The following SFRP5 variants were observed in gnomAD, a reference collection of about 807,000 sequenced individuals.
The protein encoded by SFRP5 is secreted frizzled related protein 5.
In SFRP5, 22 loss-of-function variants were observed where a neutral mutation model predicts 27.0. That is an observed-to-expected ratio of 0.82 (90% CI 0.58 to 1.17). The LOEUF is 1.17. Ranked by LOEUF, SFRP5 falls within the 50% of genes most tolerant of loss-of-function variation. SFRP5 has a pLI of 0.00. For synonymous variants in SFRP5, 171 were observed against 195.0 expected (o/e 0.88, Z 1.03); for missense variants, 406 against 436.6 (o/e 0.93, Z 0.63).
chr10:97,769,779 A>G lies in SFRP5; in HGVS notation c.530-34T>C, dbSNP rs1590135332. The G allele has an allele frequency of 3.3e-6, 5 of 1,524,342 alleles. No individual in the cohort carries two copies. In the East Asian group the frequency reaches 1.1e-4, roughly 34 times the overall value. The allele number at this position is 1,524,342 out of a possible 1,614,324, so 94.4% of individuals were successfully genotyped here. ...AGAAAGTGGGGTGGGGTTGGGGGACAGTTGGTGAGGGGATTGGAGTTCCAA... is the reference window on the plus strand; with the variant it reads ...AGAAAGTGGGGTGGGGTTGGGGGACGGTTGGTGAGGGGATTGGAGTTCCAA... On this transcript the variant is annotated intron_variant, in intron 1 of 2. Transcript: ENST00000266066.
In SFRP5 at chr10:97,767,275, C is replaced by A; in HGVS notation, c.*239G>T. On this transcript the variant is annotated 3_prime_UTR_variant, in exon 3 of 3. Coordinates refer to ENST00000266066, the MANE Select transcript of SFRP5 (RefSeq NM_003015.3). ...CTCCTCCCCTGCCTACTTTCTGAGA[C>A]CCTGAGGTCTTCACCCAGATGAAGA... 2.2e-6 allele frequency: 1 copy of A among 460,552 alleles called. No homozygotes were observed. The allele number at this position is 460,552 out of a possible 1,614,324, so 28.5% of individuals were successfully genotyped here. A position where few individuals can be genotyped will look rare whatever the true frequency, so the allele number is the denominator to read the frequency against.
chr10:97,769,716 C>G lies in SFRP5; in HGVS notation c.559G>C (p.Glu187Gln). Residue 187 changes from glutamate (E) to glutamine (Q), a missense_variant, in exon 2 of 3, where the codon GAG becomes CAG. By Grantham distance (29) the Glu-to-Gln change is conservative. Coordinates refer to ENST00000266066, the MANE Select transcript of SFRP5 (RefSeq NM_003015.3). ...VTKICAQCEM[E>Q]HSADGLMEQM... ...TCCATGAGGCCGTCAGCACTGTGCTCCATCTCACACTGGGCGCAGATCTTG... is the reference window on the plus strand; with the variant it reads ...TCCATGAGGCCGTCAGCACTGTGCTGCATCTCACACTGGGCGCAGATCTTG... The G allele has an allele frequency of 2.5e-6, 4 of 1,613,690 alleles. No individual in the cohort carries two copies. The highest frequency in any genetic ancestry group is 3.4e-6 in the Non-Finnish European group (4 of 1,179,848).
Position 97,771,384 on chromosome 10 carries a change from C to CTTG in SFRP5, c.449_450insCAA (p.Leu150_His151insLys). On this transcript the variant is annotated inframe_insertion, in exon 1 of 3. Coordinates refer to ENST00000266066, the MANE Select transcript of SFRP5 (RefSeq NM_003015.3). This position sits in a 1 kb window ranked among gnomAD's most constrained non-coding sequence, Gnocchi z 5.2. ...TGTCCAGGGGGAACTTGTGGCAGTG[C>CTTG]AGCATCTCAGGCCAGGGGAAGCCGT... 6.2e-7 allele frequency: 1 copy of CTTG among 1,612,424 alleles called. No homozygotes were observed. The highest frequency in any genetic ancestry group is 1.7e-5 in the Admixed American group (1 of 59,948).
intron 2 of SFRP5, 152 bp from the exon 3 acceptor site, chr10:97,768,012 A>G (rs1007746242): frequency 3.7e-6 from 2 of 540,866 alleles, no homozygotes; most frequent in Admixed American, 3.6e-5. Flanking sequence ...GCACATTTTC[A>G]TATTTATGAA....
Position 97,771,511 on chromosome 10 carries a change from AG to A in SFRP5, c.322del (p.Leu108CysfsTer70). The A allele has an allele frequency of 1.2e-6, 2 of 1,610,010 alleles. No individual in the cohort carries two copies. Among genetic ancestry groups the A allele is most frequent in the Non-Finnish European group, 1.7e-6 (2 of 1,177,030 alleles). ...KRCHSDTQVF[L>X]CSLFAPVCLD... ...ACAGACGGGCGCAAAGAGCGAGCAC[AG>A]GAAGACCTGCGTATCCGAGTGGCAG... On this transcript the variant is annotated frameshift_variant, in exon 1 of 3. Transcript: ENST00000266066. LOFTEE classifies it high-confidence loss of function. The surrounding 1 kb of genome is among the most constrained non-coding windows in gnomAD (Gnocchi z 5.2).
In SFRP5 at chr10:97,771,094, C is replaced by A. The variant is rs4244330; in HGVS notation, c.529+211G>T. 0.64 allele frequency among the ~76,000 whole-genome samples: 96,673 copies of A among 151,690 alleles called. 32,874 individuals are homozygous for A. Among genetic ancestry groups the A allele is most frequent in the Non-Finnish European group, 0.77 (52,154 of 67,902 alleles). On this transcript the variant is annotated intron_variant, in intron 1 of 2. Coordinates refer to ENST00000266066, the MANE Select transcript of SFRP5 (RefSeq NM_003015.3). This position sits in a 1 kb window ranked among gnomAD's most constrained non-coding sequence, Gnocchi z 5.2. Reference sequence around the variant, plus strand: ...GAGCCAGAGGGAAGGTCTGGAGCCGCCGGGAGGCACTATGCTGCCACTCCC... The same window carrying A: ...GAGCCAGAGGGAAGGTCTGGAGCCGACGGGAGGCACTATGCTGCCACTCCC...
rs769967199 is a variant in SFRP5 at position 97,771,688 on chromosome 10, T to C, written c.146A>G (p.Lys49Arg). ...AGGGATGTCAAGGCACTGCGGCGGC[T>C]TGGAGTAGGAGCGGCCGTGCAGCGG... ...AEPLHGRSYS[K>R]PPQCLDIPAD... Residue 49 changes from lysine (K) to arginine (R), a missense_variant, in exon 1 of 3, where the codon AAG becomes AGG. Lys to Arg is a conservative substitution (Grantham distance 26). Coordinates refer to ENST00000266066, the MANE Select transcript of SFRP5 (RefSeq NM_003015.3). The surrounding 1 kb of genome is among the most constrained non-coding windows in gnomAD (Gnocchi z 5.2). 2 of 1,600,026 alleles carry C rather than the reference T, an allele frequency of 1.2e-6. No homozygotes were observed. The highest frequency in any genetic ancestry group is 1.7e-4 in the Middle Eastern group (1 of 6,008).
Position 97,771,764 on chromosome 10 carries a change from A to C in SFRP5, c.70T>G (p.Trp24Gly). 6.4e-7 allele frequency: 1 copy of C among 1,566,354 alleles called. No homozygotes were observed. The highest frequency in any genetic ancestry group is 8.6e-7 in the Non-Finnish European group (1 of 1,166,530). The change falls in exon 1 of 3, where the codon TGG becomes GGG. Residue 24 changes from tryptophan to glycine, a missense_variant. Transcript: ENST00000266066. The surrounding 1 kb of genome is among the most constrained non-coding windows in gnomAD (Gnocchi z 5.2). ...TACTCCTCGCAGCGCGCCGGCGCCCAGTGCAGCGCCCCCAGCAGCAGCGCC... is the reference window on the plus strand; with the variant it reads ...TACTCCTCGCAGCGCGCCGGCGCCCCGTGCAGCGCCCCCAGCAGCAGCGCC... The part of the protein sequence containing the change: ...ALALLLGALH[W>G]APARCEEYDY...
At position 97,771,580 on chromosome 10, in the gene SFRP5, A is replaced by G. The variant is rs763111645; in HGVS notation, c.254T>C (p.Val85Ala). Residue 85 changes from valine (V) to alanine (A), a missense_variant, in exon 1 of 3, where the codon GTG becomes GCG. Physicochemically the swap from Val to Ala is moderately conservative, Grantham distance 64 (BLOSUM62 0). Coordinates refer to ENST00000266066, the MANE Select transcript of SFRP5 (RefSeq NM_003015.3). This position sits in a 1 kb window ranked among gnomAD's most constrained non-coding sequence, Gnocchi z 5.2. The part of the protein sequence containing the change: ...NLLEHESLAE[V>A]KQQASSWLPL... ...CAGCCAGCTGCTCGCCTGCTGCTTC[A>G]CTTCGGCCAGGCTCTCGTGCTCCAG... 3.1e-6 allele frequency: 5 copies of G among 1,611,750 alleles called. No individual in the cohort carries two copies. Among genetic ancestry groups the G allele is most frequent in the Non-Finnish European group, 4.2e-6 (5 of 1,179,090 alleles).
rs757444283 is a variant in SFRP5, at chr10:97,771,460, C to T, written c.374G>A (p.Arg125His). ...VCLDRPIYPCRSLCEAVRAGC... is the reference protein window; with the variant it reads ...VCLDRPIYPCHSLCEAVRAGC... Reference sequence around the variant, plus strand: ...GGCGCGCACGGCCTCGCACAGCGAGCGGCACGGGTAGATGGGCCGGTCGAG... The same window carrying T: ...GGCGCGCACGGCCTCGCACAGCGAGTGGCACGGGTAGATGGGCCGGTCGAG... The change falls in exon 1 of 3, where the codon CGC becomes CAC. Residue 125 changes from arginine to histidine, a missense_variant. By Grantham distance (29) the Arg-to-His change is conservative. Coordinates refer to ENST00000266066, the MANE Select transcript of SFRP5 (RefSeq NM_003015.3). This position sits in a 1 kb window ranked among gnomAD's most constrained non-coding sequence, Gnocchi z 5.2. The T allele has an allele frequency of 1.2e-6, 2 of 1,612,450 alleles. No homozygotes were observed. The highest frequency in any genetic ancestry group is 1.7e-6 in the Non-Finnish European group (2 of 1,179,150).
chr10:97,771,811 C>G lies in SFRP5; in HGVS notation c.23G>C (p.Gly8Ala). Residue 8 changes from glycine (G) to alanine (A), a missense_variant, in exon 1 of 3, where the codon GGG becomes GCG. Physicochemically the swap from Gly to Ala is moderately conservative, Grantham distance 60. Coordinates refer to ENST00000266066, the MANE Select transcript of SFRP5 (RefSeq NM_003015.3). This position sits in a 1 kb window ranked among gnomAD's most constrained non-coding sequence, Gnocchi z 5.2. ...CGCCAGCGCGGCCGTCCGCACGCCC[C>G]CCCCCGCCGCCGCCGCCCGCATGGC... Reference protein sequence around the residue: MRAAAAGGGVRTAALALL... With the variant: MRAAAAGAGVRTAALALL... 6 of 1,207,550 alleles carry G rather than the reference C, an allele frequency of 5.0e-6. No individual in the cohort carries two copies. The highest frequency in any genetic ancestry group is 6.1e-6 in the Non-Finnish European group (6 of 977,984). The allele number at this position is 1,207,550 out of a possible 1,614,324, so 74.8% of individuals were successfully genotyped here.
chr10:97,770,876 G>A lies in SFRP5; in HGVS notation c.529+429C>T, dbSNP rs2049511063. 2.0e-5 allele frequency among the ~76,000 whole-genome samples: 3 copies of A among 152,158 alleles called. 1 individual carries two copies. In the South Asian group the frequency reaches 6.2e-4, roughly 32 times the overall value. Reference sequence around the variant, plus strand: ...CTTCCCAAGGTCCCAACACGGAGTGGGGATGATGCTTGCTTTGGTGCCTCG... The same window carrying A: ...CTTCCCAAGGTCCCAACACGGAGTGAGGATGATGCTTGCTTTGGTGCCTCG... On this transcript the variant is annotated intron_variant, in intron 1 of 2. Transcript: ENST00000266066.
intron 1 of SFRP5, among the ~76,000 whole-genome samples, chr10:97,770,042 C>T (rs978108586): frequency 6.6e-6 from 1 of 152,172 alleles, no homozygotes; most frequent in African/African-American, 2.4e-5. Context: ...CTCCTCTCAT[C>T]CTCAGCCTAT....
intron 2 of SFRP5, among the ~76,000 whole-genome samples, chr10:97,769,299 G>A (rs1590135155): frequency 6.6e-6 from 1 of 152,206 alleles, no homozygotes; most frequent in Non-Finnish European, 1.5e-5. Context: ...CCATCCTAGA[G>A]CCATCACTCC....
rs528322661 is a variant in SFRP5, at chr10:97,766,790, T to G, written c.*724A>C. 1 of 152,200 alleles carries G rather than the reference T, an allele frequency of 6.6e-6. No homozygotes were observed. The highest frequency in any genetic ancestry group is 1.9e-4 in the East Asian group (1 of 5,174). 9.4% of individuals were successfully genotyped at this position (152,200 alleles called of 1,614,324 possible). A position where few individuals can be genotyped will look rare whatever the true frequency, so the allele number is the denominator to read the frequency against. ...GATTTAATTAAAAAGTTAAAAAAATTAGAAAACCCAACCCTGCATGTATTG... is the reference window on the plus strand; with the variant it reads ...GATTTAATTAAAAAGTTAAAAAAATGAGAAAACCCAACCCTGCATGTATTG... On this transcript the variant is annotated 3_prime_UTR_variant, in exon 3 of 3. Transcript: ENST00000266066.
chr10:97,769,827 C>T, intron 1 of SFRP5, 82 bp from the exon 2 acceptor site: 3 of 890,772 alleles, frequency 3.4e-6, no homozygotes, highest in Non-Finnish European at 3.7e-6. Context: ...GTGCAGGCTT[C>T]CTCACTGACC....
chr10:97,769,593 T>A, intron 2 of SFRP5, 75 bp downstream of exon 2: 1 of 985,592 alleles, frequency 1.0e-6, no homozygotes, highest in South Asian at 1.4e-5. Context: ...TGTGGGCATG[T>A]ATGTTCCCGT....
chr10:97,767,914 G>A (rs2049494815), intron 2 of SFRP5, 54 bp from the exon 3 acceptor site: 2 of 1,343,462 alleles, frequency 1.5e-6, no homozygotes, highest in Non-Finnish European at 2.0e-6. Flanking sequence ...TGTGTGGGAT[G>A]CTGGTGGGCA....
In SFRP5 at chr10:97,767,424, C is replaced by T. The variant is rs1356242295; in HGVS notation, c.*90G>A. ...GTGCCAGTAACAACATTCGTGAAAA[C>T]ACCCTCCAGTAGGGCCGGGTCAGCC... On this transcript the variant is annotated 3_prime_UTR_variant, in exon 3 of 3. Transcript: ENST00000266066. The T allele has an allele frequency of 1.0e-6, 1 of 1,004,782 alleles. No individual in the cohort carries two copies. The highest frequency in any genetic ancestry group is 2.7e-5 in the Admixed American group (1 of 37,546). The allele number at this position is 1,004,782 out of a possible 1,614,324, so 62.2% of individuals were successfully genotyped here.
Sources: allele counts gnomAD v4.1 joint callset (sites outside exome capture counted in the v4.1 genomes callset), GRCh38; gene constraint gnomAD v4.1.1; non-coding constraint Gnocchi (gnomAD v3.1); transcripts MANE v1.5; gene names NCBI Gene and HGNC (gene_info 2026-07-23, HGNC 2026-07-21).